The following SPATA17 variants were observed in gnomAD, a reference collection of about 807,000 sequenced individuals.
SPATA17 encodes the protein spermatogenesis-associated protein 17.
SPATA17 carries 53 observed loss-of-function variants against 62.2 expected under a neutral mutation model. The ratio of observed to expected loss-of-function variants is 0.85; its 90% CI spans 0.68 to 1.07. The LOEUF is 1.07. Among genes scored for constraint, SPATA17 ranks in the 50% least tolerant of loss-of-function variants. The probability of loss-of-function intolerance (pLI) is 0.00; values close to 1 mark genes in which losing one functional copy is unlikely to be tolerated. For missense variants in SPATA17, 466 were observed against 425.5 expected (o/e 1.10, Z -0.84); for synonymous variants, 146 against 146.8 (o/e 0.99, Z 0.04).
rs147340348 is a variant in SPATA17, at chr1:217,728,284, C to T, written c.396-13691C>T. On this transcript the variant is annotated intron_variant, in intron 5 of 10. Transcript: ENST00000366933. ...ATTAAAATTGCTAACATATTTTGAG[C>T]ACTTATGGTATACCAAGCATGGTGC... is the stretch of plus-strand genomic sequence containing the variant. 2.6e-5 allele frequency among the ~76,000 whole-genome samples: 4 copies of T among 152,154 alleles called. No individual in the cohort carries two copies. The East Asian group carries it at 5.8e-4, about 22-fold the overall frequency.
At chr1:217,631,571 C>A (rs978548973) in intron 1 of SPATA17, 125 bp downstream of exon 1, 1 of 927,366 alleles carries the variant, frequency 1.1e-6, no homozygotes, top group Admixed American at 2.2e-5. Flanking sequence ...CCCAATTCTT[C>A]CCTTAATGGG....
chr1:217,842,844 T>C (rs1169438872), intron 9 of SPATA17, among the ~76,000 whole-genome samples: 1 of 152,112 alleles, frequency 6.6e-6, no homozygotes, highest in Non-Finnish European at 1.5e-5. Flanking sequence ...ATTTAAATGA[T>C]TTATTTTCAC....
intron 8 of SPATA17, among the ~76,000 whole-genome samples, chr1:217,798,344 A>G (rs1241914622): frequency 6.6e-6 from 1 of 152,146 alleles, no homozygotes; most frequent in Non-Finnish European, 1.5e-5. Context: ...CTTGTCTGTA[A>G]AGGATAGGAG....
chr1:217,744,610 T>G (rs1322069673), intron 6 of SPATA17, among the ~76,000 whole-genome samples: 2 of 152,218 alleles, frequency 1.3e-5, no homozygotes, highest in Non-Finnish European at 2.9e-5. Flanking sequence ...TTTCTCCTTC[T>G]TTATACCATA....
intron 9 of SPATA17, among the ~76,000 whole-genome samples, chr1:217,830,557 TTAAC>T (rs1675116448): frequency 6.6e-6 from 1 of 152,160 alleles, no homozygotes; most frequent in South Asian, 2.1e-4. Flanking sequence ...TGTGATATAC[TTAAC>T]TGAGTATTTT....
chr1:217,655,942 G>A (rs1026742274), intron 3 of SPATA17, among the ~76,000 whole-genome samples: 4 of 152,138 alleles, frequency 2.6e-5, no homozygotes, highest in African/African-American at 9.7e-5. Context: ...AAAGACAGTA[G>A]AGTATACTTA....
In SPATA17 at chr1:217,869,403, A is replaced by G. The variant is rs1676085091; in HGVS notation, c.*2384A>G. 1 of 152,184 alleles carries G rather than the reference A, an allele frequency of 6.6e-6. No individual in the cohort carries two copies. Among genetic ancestry groups the G allele is most frequent in the Non-Finnish European group, 1.5e-5 (1 of 68,030 alleles). The allele number at this position is 152,184 out of a possible 1,614,324, so 9.4% of individuals were successfully genotyped here. A position where few individuals can be genotyped will look rare whatever the true frequency, so the allele number is the denominator to read the frequency against. ...GCAGACTTCAGAGAGCATAGATTGT[A>G]AATGTTTCTTATCTGACTTAAAAAG... On this transcript the variant is annotated 3_prime_UTR_variant, in exon 11 of 11. Coordinates refer to ENST00000366933, the MANE Select transcript of SPATA17 (RefSeq NM_138796.4).
intron 8 of SPATA17, among the ~76,000 whole-genome samples, chr1:217,796,869 G>A (rs186868194): frequency 2.6e-5 from 4 of 152,102 alleles, no homozygotes; most frequent in African/African-American, 9.7e-5. Flanking sequence ...CATGTTGAAG[G>A]TAATGAAAAA....
At chr1:217,688,012 C>T (rs895332788) in intron 5 of SPATA17, among the ~76,000 whole-genome samples, 18 of 152,154 alleles carry the variant, frequency 1.2e-4, no homozygotes, top group Non-Finnish European at 2.2e-4. Context: ...ATATTAGAAT[C>T]ATGGCCCTTC....
At chr1:217,741,887 C>A in intron 5 of SPATA17, 88 bp from the exon 6 acceptor site, 1 of 1,456,356 alleles carries the variant, frequency 6.9e-7, no homozygotes, top group Non-Finnish European at 9.4e-7. Context: ...ATGATGGTTG[C>A]CCCTCAAAAA....
intron 9 of SPATA17, among the ~76,000 whole-genome samples, chr1:217,818,991 T>G (rs890691551): frequency 7.9e-5 from 12 of 151,654 alleles, no homozygotes; most frequent in African/African-American, 2.9e-4. Context: ...TTTCCTCAAT[T>G]TCTTTCCTGG....
chr1:217,863,869 T>G (rs1675947136), intron 10 of SPATA17, among the ~76,000 whole-genome samples: 1 of 152,138 alleles, frequency 6.6e-6, no homozygotes, highest in African/African-American at 2.4e-5. Flanking sequence ...GAAATCATGC[T>G]AGTTAGAATC....
At chr1:217,863,342 G>A (rs541883006) in intron 10 of SPATA17, among the ~76,000 whole-genome samples, 47 of 152,070 alleles carry the variant, frequency 3.1e-4, no homozygotes, top group African/African-American at 1.1e-3. Flanking sequence ...TGATGGCCAG[G>A]CTGGTCTCGA....
At chr1:217,754,581 T>A (rs1672997521) in intron 6 of SPATA17, among the ~76,000 whole-genome samples, 1 of 152,174 alleles carries the variant, frequency 6.6e-6, no homozygotes, top group African/African-American at 2.4e-5. Flanking sequence ...AACTGATAAA[T>A]AATCAGTTTG....
chr1:217,713,065 C>G (rs1392287007), intron 5 of SPATA17, among the ~76,000 whole-genome samples: 1 of 152,122 alleles, frequency 6.6e-6, no homozygotes, highest in African/African-American at 2.4e-5. Context: ...CTCTTTAAGA[C>G]TAAACCCACT....
intron 9 of SPATA17, among the ~76,000 whole-genome samples, chr1:217,858,314 G>A (rs1396061876): frequency 6.6e-6 from 1 of 152,064 alleles, no homozygotes; most frequent in Non-Finnish European, 1.5e-5. Context: ...TTTAATTTTT[G>A]AAAGAACATG....
At chr1:217,641,765 C>G (rs80307390) in intron 1 of SPATA17, among the ~76,000 whole-genome samples, 1 of 152,068 alleles carries the variant, frequency 6.6e-6, no homozygotes, top group Non-Finnish European at 1.5e-5. Context: ...TCTTTACACA[C>G]AAGGACATTC....
At chr1:217,637,712 G>A (rs1278748620) in intron 1 of SPATA17, among the ~76,000 whole-genome samples, 1 of 152,114 alleles carries the variant, frequency 6.6e-6, no homozygotes, top group African/African-American at 2.4e-5. Context: ...TAGCAGCTTA[G>A]TTGAATAGAT....
chr1:217,814,997 A>T (rs1674677200), intron 9 of SPATA17, among the ~76,000 whole-genome samples: 1 of 151,946 alleles, frequency 6.6e-6, no homozygotes, highest in South Asian at 2.1e-4. Context: ...CTACAATTAA[A>T]CTCGTAACCT....
Sources: allele counts gnomAD v4.1 joint callset (sites outside exome capture counted in the v4.1 genomes callset), GRCh38; gene constraint gnomAD v4.1.1; transcripts MANE v1.5; gene names NCBI Gene and HGNC (gene_info 2026-07-23, HGNC 2026-07-21).